The following TPRG1 variants were observed in gnomAD, a reference collection of about 807,000 sequenced individuals.
TPRG1 encodes tumor protein p63-regulated gene 1 protein.
Under a neutral mutation model 29.3 loss-of-function variants are expected in TPRG1, and 29 were observed. That is an observed-to-expected ratio of 0.99 (90% CI 0.74 to 1.35). TPRG1 has a LOEUF of 1.35. Among genes scored for constraint, TPRG1 ranks in the 40% most tolerant of loss-of-function variants. The pLI, the probability that TPRG1 is intolerant of heterozygous loss-of-function variation, is 0.00. For missense variants in TPRG1, 327 were observed against 335.0 expected (o/e 0.98, Z 0.19); for synonymous variants, 130 against 116.8 (o/e 1.11, Z -0.73).
At chr3:189,246,097 A>C (rs187365327) in intron 4 of TPRG1, among the ~76,000 whole-genome samples, 151 of 152,230 alleles carry the variant, frequency 9.9e-4, no homozygotes, top group African/African-American at 3.5e-3. Context: ...ACCTGATGGG[A>C]GGTAATAGAA....
intron 4 of TPRG1, among the ~76,000 whole-genome samples, chr3:189,085,188 A>C (rs967562984): frequency 1.3e-5 from 2 of 152,166 alleles, no homozygotes; most frequent in African/African-American, 4.8e-5. Context: ...TCTGTTACCA[A>C]GTGGGGCATA....
Position 189,322,299 on chromosome 3 carries a change from T to A in TPRG1, c.*1479T>A, listed in dbSNP as rs1292890555. ...TTGTCCTCTGATATATTTATAAACA[T>A]CAATTTAATGCAGACATTCAAACCC... On this transcript the variant is annotated 3_prime_UTR_variant, in exon 6 of 6. Coordinates refer to ENST00000345063, the MANE Select transcript of TPRG1 (RefSeq NM_198485.4). 1 of 152,470 alleles carries A rather than the reference T, an allele frequency of 6.6e-6. No individual in the cohort carries two copies. Among genetic ancestry groups the A allele is most frequent in the African/African-American group, 2.4e-5 (1 of 41,458 alleles). The allele number at this position is 152,470 out of a possible 1,614,324, so 9.4% of individuals were successfully genotyped here. A position where few individuals can be genotyped will look rare whatever the true frequency, so the allele number is the denominator to read the frequency against.
intron 1 of TPRG1, among the ~76,000 whole-genome samples, chr3:189,111,324 G>A (rs111903029): frequency 1.5e-4 from 23 of 152,018 alleles, no homozygotes; most frequent in African/African-American, 4.8e-4. Flanking sequence ...AATATTTCAG[G>A]CTTTTTGTTG....
intron 5 of TPRG1, among the ~76,000 whole-genome samples, chr3:189,165,389 A>C (rs1728029145): frequency 9.1e-6 from 1 of 109,942 alleles, no homozygotes; most frequent in African/African-American, 3.0e-5. Flanking sequence ...TTTCTAAATG[A>C]CTGTCACGAT....
intron 1 of TPRG1, among the ~76,000 whole-genome samples, chr3:189,194,058 A>G (rs999507100): frequency 2.0e-5 from 3 of 151,604 alleles, no homozygotes; most frequent in African/African-American, 4.9e-5. Flanking sequence ...AATAGCTTTC[A>G]TAAAGAAAGA....
chr3:189,196,764 A>G (rs1223482057), intron 1 of TPRG1, among the ~76,000 whole-genome samples: 1 of 152,184 alleles, frequency 6.6e-6, no homozygotes, highest in Non-Finnish European at 1.5e-5. Context: ...TGTTCTGCAT[A>G]TTTATGATTT....
chr3:189,142,075 T>C (rs1170843225), intron 3 of TPRG1, among the ~76,000 whole-genome samples: 2 of 152,198 alleles, frequency 1.3e-5, no homozygotes, highest in Non-Finnish European at 2.9e-5. Context: ...TGGTCAGGAA[T>C]GTCTTTGCTG....
chr3:189,289,252 A>G (rs1415065554), intron 4 of TPRG1, among the ~76,000 whole-genome samples: 1 of 152,044 alleles, frequency 6.6e-6, no homozygotes, highest in Non-Finnish European at 1.5e-5. Context: ...TTATCTTCCC[A>G]ATTATGCAGG....
intron 4 of TPRG1, among the ~76,000 whole-genome samples, chr3:189,250,633 T>C (rs919827040): frequency 6.7e-6 from 1 of 148,368 alleles, no homozygotes; most frequent in Non-Finnish European, 1.5e-5. Context: ...AGGTCAAAGG[T>C]AAGGCAGCAG....
intron 3 of TPRG1, among the ~76,000 whole-genome samples, chr3:189,216,625 T>C (rs75035438): frequency 0.011 from 1,643 of 152,322 alleles, 34 homozygotes; most frequent in African/African-American, 0.037. Flanking sequence ...GGACCTTCAA[T>C]AGCTGTTAGT....
At chr3:189,041,865 G>C (rs1357970963) in intron 4 of TPRG1, among the ~76,000 whole-genome samples, 2 of 152,154 alleles carry the variant, frequency 1.3e-5, no homozygotes, top group African/African-American at 2.4e-5. Context: ...TATTTCCTTA[G>C]GATGTTGAAC....
intron 1 of TPRG1, among the ~76,000 whole-genome samples, chr3:189,197,924 T>A (rs914865918): frequency 2.0e-5 from 3 of 152,182 alleles, no homozygotes; most frequent in Non-Finnish European, 2.9e-5. Flanking sequence ...CCCCATGAAA[T>A]TCTTAAGGCA....
intron 4 of TPRG1, among the ~76,000 whole-genome samples, chr3:189,148,472 G>A (rs1266811226): frequency 6.6e-6 from 1 of 152,222 alleles, no homozygotes; most frequent in African/African-American, 2.4e-5. Context: ...TTTGAGCTGA[G>A]TCTGGAAGCA....
intron 4 of TPRG1, among the ~76,000 whole-genome samples, chr3:189,044,194 A>G (rs896246898): frequency 6.6e-6 from 1 of 152,198 alleles, no homozygotes; most frequent in Non-Finnish European, 1.5e-5. Context: ...AAATTGTCGG[A>G]AAGAGACAAG....
intron 3 of TPRG1, among the ~76,000 whole-genome samples, chr3:189,017,787 TC>T (rs1713031936): frequency 6.6e-6 from 1 of 152,130 alleles, no homozygotes; most frequent in African/African-American, 2.4e-5. Flanking sequence ...TAGTTCTAGA[TC>T]CCTGAGGAAT....
At chr3:189,299,626 A>ATTT (rs60136863) in intron 4 of TPRG1, among the ~76,000 whole-genome samples, 32 of 135,684 alleles carry the variant, frequency 2.4e-4, no homozygotes, top group African/African-American at 8.3e-4. Context: ...TGAGTTGTGT[A>ATTT]TTTTTTTTTT....
chr3:189,226,569 T>A (rs1040142566), intron 3 of TPRG1, among the ~76,000 whole-genome samples: 1 of 152,082 alleles, frequency 6.6e-6, no homozygotes, highest in East Asian at 1.9e-4. Flanking sequence ...TACATATTAA[T>A]TGAGGGAAAG....
intron 4 of TPRG1, among the ~76,000 whole-genome samples, chr3:189,296,873 T>C (rs1156820407): frequency 6.6e-6 from 1 of 152,218 alleles, no homozygotes; most frequent in Non-Finnish European, 1.5e-5. Context: ...GATAAAAATA[T>C]TTTTTGAAGA....
At chr3:189,070,244 G>A (rs1716728892) in intron 4 of TPRG1, among the ~76,000 whole-genome samples, 1 of 152,016 alleles carries the variant, frequency 6.6e-6, no homozygotes, top group African/African-American at 2.4e-5. Flanking sequence ...ATAAGTGGTT[G>A]CCAGGGAGTC....
Sources: gnomAD v4.1 joint callset for allele counts (sites outside exome capture counted in the v4.1 genomes callset) on GRCh38, gnomAD v4.1.1 for gene constraint, MANE v1.5 for transcripts, NCBI Gene and HGNC (gene_info 2026-07-23, HGNC 2026-07-21) for gene names.